Variants in CACNA1C observed in about 807,000 individuals in gnomAD.
CACNA1C encodes voltage-dependent L-type calcium channel subunit alpha-1C.
A neutral mutation model predicts 229.0 loss-of-function variants in CACNA1C; 30 were observed. The ratio of observed to expected loss-of-function variants is 0.13; its 90% CI spans 0.10 to 0.18. The LOEUF (loss-of-function observed/expected upper bound fraction) is 0.18. Among genes scored for constraint, CACNA1C ranks in the 10% least tolerant of loss-of-function variants. The pLI is 1.00. For missense variants in CACNA1C, 1,658 were observed against 2,845.0 expected, an observed-to-expected ratio of 0.58 and a Z score of 9.49; for synonymous variants, 1,114 against 1,132.5, an observed-to-expected ratio of 0.98 and a Z score of 0.33.
chr12:2,391,779 C>A (rs1332897364), intron 3 of CACNA1C, among the ~76,000 whole-genome samples: 1 of 152,194 alleles, frequency 6.6e-6, no homozygotes, highest in African/African-American at 2.4e-5. Flanking sequence ...ACTCTGTTTG[C>A]CCTCTAGACC....
At chr12:2,037,569 G>A (rs1368568421) in intron 1 of CACNA1C, among the ~76,000 whole-genome samples, 1 of 152,184 alleles carries the variant, frequency 6.6e-6, no homozygotes, top group Admixed American at 6.5e-5. Flanking sequence ...CAAGTCTCCT[G>A]GGAAGGGACG....
chr12:2,586,450 C>T (rs1223341356), intron 18 of CACNA1C, among the ~76,000 whole-genome samples: 2 of 152,182 alleles, frequency 1.3e-5, no homozygotes, highest in South Asian at 2.1e-4. Context: ...CAGTCTGCTT[C>T]TCAAGAGCTT....
chr12:2,216,651 A>C (rs1338635762), intron 3 of CACNA1C, among the ~76,000 whole-genome samples: 1 of 152,220 alleles, frequency 6.6e-6, no homozygotes, highest in Non-Finnish European at 1.5e-5. Context: ...CAGCCTTTTA[A>C]AAATACTCAA....
chr12:2,585,920 C>T lies in CACNA1C; in HGVS notation c.2530+16C>T. On this transcript the variant is annotated intron_variant, in intron 18 of 46. Transcript: ENST00000399655. This position sits in a 1 kb window ranked among gnomAD's most constrained non-coding sequence, Gnocchi z 4.1. Reference sequence around the variant, plus strand: ...GAAACTACAGGTACCAGTCCCACTGCCTAACCTGGGATTGGGAGATTGGGG... The same window carrying T: ...GAAACTACAGGTACCAGTCCCACTGTCTAACCTGGGATTGGGAGATTGGGG... The T allele has an allele frequency of 6.5e-7, 1 of 1,527,318 alleles. No homozygotes were observed. The highest frequency in any genetic ancestry group is 8.9e-7 in the Non-Finnish European group (1 of 1,119,692). 94.6% of individuals were successfully genotyped at this position (1,527,318 alleles called of 1,614,324 possible).
At chr12:2,547,620 T>C (rs755560640) in intron 9 of CACNA1C, 8 of 731,728 alleles carry the variant, frequency 1.1e-5, no homozygotes, top group Non-Finnish European at 1.3e-5. Flanking sequence ...GCCGCAGTAG[T>C]TCTGTGTGTG....
In CACNA1C at chr12:1,991,523, A is replaced by G. The variant is rs538985033; in HGVS notation, c.139+20322A>G. 22 of 240,576 alleles carry G rather than the reference A, an allele frequency of 9.1e-5. No individual in the cohort carries two copies. The South Asian group carries it at 1.0e-3, about 11-fold the overall frequency. The allele number at this position is 240,576 out of a possible 1,614,324, so 14.9% of individuals were successfully genotyped here. A position where few individuals can be genotyped will look rare whatever the true frequency, so the allele number is the denominator to read the frequency against. Reference sequence around the variant, plus strand: ...TATTGTCATTTCAACATGTTAATATAAAATAATTAATAATTGAGGTTTTTT... The same window carrying G: ...TATTGTCATTTCAACATGTTAATATGAAATAATTAATAATTGAGGTTTTTT... On this transcript the variant is annotated intron_variant, in intron 1 of 46. Transcript: ENST00000682462.
In CACNA1C at chr12:2,318,313, G is replaced by A. The variant is rs552513935; in HGVS notation, c.478-130663G>A. Among the ~76,000 whole-genome samples, 6 of 152,384 alleles carry A rather than the reference G, an allele frequency of 3.9e-5. No individual in the cohort carries two copies. The East Asian group carries it at 1.2e-3, about 29-fold the overall frequency. On this transcript the variant is annotated intron_variant, in intron 3 of 46. Coordinates refer to ENST00000399655, the MANE Select transcript of CACNA1C (RefSeq NM_000719.7). ...CAGGCCTGACAGGTGGCAAGTCAGAGGGAACATCTTACTCTGCAGCCGCTG... is the reference window on the plus strand; with the variant it reads ...CAGGCCTGACAGGTGGCAAGTCAGAAGGAACATCTTACTCTGCAGCCGCTG...
At chr12:2,265,095 A>G (rs997074965) in intron 3 of CACNA1C, among the ~76,000 whole-genome samples, 7 of 152,192 alleles carry the variant, frequency 4.6e-5, no homozygotes, top group African/African-American at 1.7e-4. Flanking sequence ...TTAAGCAACA[A>G]TACCAGGGAT....
chr12:2,056,143 G>A (rs1184800225), intron 1 of CACNA1C, among the ~76,000 whole-genome samples: 1 of 152,070 alleles, frequency 6.6e-6, no homozygotes, highest in African/African-American at 2.4e-5. Flanking sequence ...GAATGCACCA[G>A]TCCTTGCTCC....
At chr12:2,502,470 G>A (rs2099762750) in intron 7 of CACNA1C, among the ~76,000 whole-genome samples, 1 of 152,232 alleles carries the variant, frequency 6.6e-6, no homozygotes, top group African/African-American at 2.4e-5. Flanking sequence ...CAAACCAGAT[G>A]TGAGAAAATG....
chr12:2,072,894 G>A (rs2061863399), intron 1 of CACNA1C, among the ~76,000 whole-genome samples: 1 of 152,078 alleles, frequency 6.6e-6, no homozygotes, highest in Admixed American at 6.5e-5. Flanking sequence ...CATTGGCAGA[G>A]GGCATAAACA....
chr12:2,516,629 G>A (rs1447523758), intron 9 of CACNA1C, among the ~76,000 whole-genome samples: 1 of 152,084 alleles, frequency 6.6e-6, no homozygotes. Context: ...GAGAGAGAGA[G>A]GTAGGGCATT....
chr12:2,163,042 T>A (rs1298096302), intron 3 of CACNA1C, among the ~76,000 whole-genome samples: 1 of 151,832 alleles, frequency 6.6e-6, no homozygotes, highest in African/African-American at 2.4e-5. Context: ...CTACTAAAAA[T>A]ACAAAATTAG....
chr12:2,265,028 T>G (rs2081825295), intron 3 of CACNA1C, among the ~76,000 whole-genome samples: 1 of 152,210 alleles, frequency 6.6e-6, no homozygotes, highest in Non-Finnish European at 1.5e-5. Context: ...AAATATCAGC[T>G]CTAGGACGCC....
At chr12:2,523,600 C>T (rs993689963) in intron 9 of CACNA1C, among the ~76,000 whole-genome samples, 13 of 152,296 alleles carry the variant, frequency 8.5e-5, no homozygotes, top group Admixed American at 8.5e-4. Flanking sequence ...ATCACTGACA[C>T]GTGGTGTCTT....
chr12:2,540,190 A>G (rs1280738796), intron 9 of CACNA1C, among the ~76,000 whole-genome samples: 1 of 152,084 alleles, frequency 6.6e-6, no homozygotes, highest in African/African-American at 2.4e-5. Flanking sequence ...TTCCTGGAGC[A>G]CCAGGCCTGG....
chr12:2,213,461 ATTATT>A (rs2059189538), intron 3 of CACNA1C, among the ~76,000 whole-genome samples: 1 of 152,080 alleles, frequency 6.6e-6, no homozygotes, highest in South Asian at 2.1e-4. Flanking sequence ...AGGCGGCGAG[ATTATT>A]GCCTGTTACA....
rs1021025281 is a variant in CACNA1C at position 2,152,263 on chromosome 12, C to T, written c.477+31833C>T. Among the ~76,000 whole-genome samples, 2 of 152,240 alleles carry T rather than the reference C, an allele frequency of 1.3e-5. No homozygotes were observed. The highest frequency in any genetic ancestry group is 4.8e-5 in the African/African-American group (2 of 41,472). ...ACCTCTTTCATAGGGATAGAATTTT[C>T]AGCTGGGCACATGACTGCTTAGAAT... is the stretch of plus-strand genomic sequence containing the variant. On this transcript the variant is annotated intron_variant, in intron 3 of 46. Coordinates refer to ENST00000399655, the MANE Select transcript of CACNA1C (RefSeq NM_000719.7). This position sits in a 1 kb window ranked among gnomAD's most constrained non-coding sequence, Gnocchi z 4.2.
At chr12:2,089,897 C>T (rs547981238) in intron 1 of CACNA1C, among the ~76,000 whole-genome samples, 107 of 152,032 alleles carry the variant, frequency 7.0e-4, no homozygotes, top group African/African-American at 2.4e-3. Flanking sequence ...GGCGTGGTGG[C>T]AGGCGCCTGT....
Sources: allele counts gnomAD v4.1 joint callset (sites outside exome capture counted in the v4.1 genomes callset), GRCh38; gene constraint gnomAD v4.1.1; non-coding constraint Gnocchi (gnomAD v3.1); transcripts MANE v1.5; gene names NCBI Gene and HGNC (gene_info 2026-07-23, HGNC 2026-07-21).